HSD17B12: variants seen among roughly 807,000 people sequenced by gnomAD.
HSD17B12 encodes very-long-chain 3-oxoacyl-CoA reductase.
A neutral mutation model predicts 39.3 loss-of-function variants in HSD17B12; 32 were observed. That is an observed-to-expected ratio of 0.81 (90% confidence interval 0.61 to 1.09). HSD17B12 has a LOEUF of 1.09. Ranked by LOEUF, HSD17B12 falls within the 50% of genes least tolerant of loss-of-function variation. The pLI is 0.00. For missense variants in HSD17B12, 342 were observed against 382.9 expected, an observed-to-expected ratio of 0.89 and a Z score of 0.89; for synonymous variants, 150 against 146.7, an observed-to-expected ratio of 1.02 and a Z score of -0.16.
intron 3 of HSD17B12, 117 bp downstream of exon 3, chr11:43,754,238 A>G: frequency 2.8e-6 from 2 of 706,174 alleles, no homozygotes; most frequent in South Asian, 1.8e-5. Context: ...GAGAGATATC[A>G]TTAAAGAGCA....
upstream of HSD17B12, among the ~76,000 whole-genome samples, chr11:43,677,496 G>T (rs1949702204): frequency 2.0e-5 from 3 of 152,062 alleles, no homozygotes; most frequent in Non-Finnish European, 4.4e-5. Context: ...CAATGTGCAG[G>T]TTTGTTACAT....
At chr11:43,624,808 A>G in the HSD17B12 span, among the ~76,000 whole-genome samples, 1,481 of 151,954 alleles carry the variant, frequency 9.7e-3, 23 homozygotes, top group African/African-American at 0.035. Context: ...AGTCCATGAA[A>G]CATATCAGAT....
At chr11:43,588,962 A>T in the HSD17B12 span, among the ~76,000 whole-genome samples, 1 of 146,050 alleles carries the variant, frequency 6.8e-6, no homozygotes, top group Non-Finnish European at 1.5e-5. Flanking sequence ...TGTTTTTGCA[A>T]ATCACTCTTT....
intron 4 of HSD17B12, among the ~76,000 whole-genome samples, chr11:43,805,020 C>A (rs972178618): frequency 1.3e-4 from 20 of 152,030 alleles, no homozygotes; most frequent in African/African-American, 4.8e-4. Context: ...GGAGAGAGAA[C>A]CAAGGCACTA....
upstream of HSD17B12, among the ~76,000 whole-genome samples, chr11:43,679,821 A>G (rs1673043968): frequency 6.6e-6 from 1 of 152,152 alleles, no homozygotes; most frequent in Admixed American, 6.5e-5. Flanking sequence ...AGTGATGTTT[A>G]GTGCTCAGCT....
intron 1 of HSD17B12, among the ~76,000 whole-genome samples, chr11:43,736,875 A>G (rs1950320886): frequency 6.6e-6 from 1 of 152,176 alleles, no homozygotes; most frequent in Non-Finnish European, 1.5e-5. Context: ...AAGCCCCTAC[A>G]CTGTTTGCCT....
At chr11:43,755,692 C>T (rs1423629329) in intron 3 of HSD17B12, among the ~76,000 whole-genome samples, 1 of 152,192 alleles carries the variant, frequency 6.6e-6, no homozygotes, top group African/African-American at 2.4e-5. Flanking sequence ...TATTCATTCT[C>T]TCACATGTAT....
chr11:43,729,947 C>T (rs1210828644), intron 1 of HSD17B12, among the ~76,000 whole-genome samples: 2 of 151,956 alleles, frequency 1.3e-5, no homozygotes, highest in African/African-American at 2.4e-5. Flanking sequence ...CATGTTCTTT[C>T]TATTTTAAAT....
chr11:43,837,284 G>A (rs1951380390), intron 7 of HSD17B12, among the ~76,000 whole-genome samples: 1 of 152,078 alleles, frequency 6.6e-6, no homozygotes, highest in African/African-American at 2.4e-5. Flanking sequence ...TAAAAAAATA[G>A]GTGTTGGGAA....
chr11:43,693,552 A>G lies in HSD17B12; in HGVS notation c.160+12565A>G, dbSNP rs141985332. On this transcript the variant is annotated intron_variant, in intron 1 of 10. Coordinates refer to ENST00000278353, the MANE Select transcript of HSD17B12 (RefSeq NM_016142.3). The stretch of plus-strand genomic sequence containing the variant: ...GGTGCAAGCTAAGTTAGTTGATCCA[A>G]TATCTCCTACCCAGAGTCTCAGCTG... 3.1e-4 allele frequency among the ~76,000 whole-genome samples: 47 copies of G among 152,296 alleles called. No homozygotes were observed. The East Asian group carries it at 8.1e-3, about 26-fold the overall frequency.
At chr11:43,641,926 TAGA>T in the HSD17B12 span, among the ~76,000 whole-genome samples, 2 of 151,904 alleles carry the variant, frequency 1.3e-5, no homozygotes, top group Non-Finnish European at 3.0e-5. Flanking sequence ...TCAGAAATTA[TAGA>T]ATCTGTTGTA....
At chr11:43,779,238 A>G (rs1330673992) in intron 3 of HSD17B12, among the ~76,000 whole-genome samples, 2 of 152,184 alleles carry the variant, frequency 1.3e-5, no homozygotes, top group Admixed American at 1.3e-4. Context: ...GTGGAGTATA[A>G]TCTACCAAGT....
At chr11:43,558,054 A>C in the HSD17B12 span, among the ~76,000 whole-genome samples, 3 of 152,330 alleles carry the variant, frequency 2.0e-5, no homozygotes, top group East Asian at 5.8e-4. Flanking sequence ...GCTGCTGCAC[A>C]AAGCGAGGTG....
At chr11:43,838,528 G>T in intron 8 of HSD17B12, 130 bp downstream of exon 8, 1 of 672,842 alleles carries the variant, frequency 1.5e-6, no homozygotes, top group Non-Finnish European at 2.6e-6. Flanking sequence ...AGAAGAAAAG[G>T]AAAATACCCT....
chr11:43,817,508 T>C (rs550875546), intron 6 of HSD17B12, among the ~76,000 whole-genome samples: 3 of 152,350 alleles, frequency 2.0e-5, no homozygotes, highest in African/African-American at 7.2e-5. Context: ...TGATCCATCT[T>C]GAGTTGATTT....
At chr11:43,825,130 CA>C (rs112032591) in intron 6 of HSD17B12, among the ~76,000 whole-genome samples, 71 of 145,726 alleles carry the variant, frequency 4.9e-4, no homozygotes, top group East Asian at 8.0e-4. Flanking sequence ...GACCCTGTCT[CA>C]AAAAAAAAAA....
At position 43,734,031 on chromosome 11, in the gene HSD17B12, C is replaced by T. The variant is rs1280459317; in HGVS notation, c.161-16880C>T. On this transcript the variant is annotated intron_variant, in intron 1 of 10. Transcript: ENST00000278353. The stretch of plus-strand genomic sequence containing the variant: ...TTTATAGATTGTCAATATCACACGG[C>T]GGATCCTCTTCCGGCCTATCGCTAG... The T allele has an allele frequency of 1.2e-5, 9 of 756,274 alleles. 1 individual carries two copies. The East Asian group carries it at 1.3e-4, about 11-fold the overall frequency. The allele number at this position is 756,274 out of a possible 1,614,324, so 46.8% of individuals were successfully genotyped here.
the HSD17B12 span, among the ~76,000 whole-genome samples, chr11:43,613,236 A>G: frequency 6.6e-6 from 1 of 152,152 alleles, no homozygotes; most frequent in African/African-American, 2.4e-5. Context: ...TACTAAAAAT[A>G]GAAAAATTAG....
chr11:43,653,406 T>G, the HSD17B12 span, among the ~76,000 whole-genome samples: 2 of 152,066 alleles, frequency 1.3e-5, no homozygotes, highest in South Asian at 4.1e-4. Context: ...TCTTTTTTTC[T>G]TATTATTATT....
Sources: gnomAD v4.1 joint callset for allele counts (sites outside exome capture counted in the v4.1 genomes callset) on GRCh38, gnomAD v4.1.1 for gene constraint, MANE v1.5 for transcripts, NCBI Gene and HGNC (gene_info 2026-07-23, HGNC 2026-07-21) for gene names.